The following HERC1 variants were observed in gnomAD, a reference collection of about 807,000 sequenced individuals.
HERC1 encodes probable E3 ubiquitin-protein ligase HERC1.
A neutral mutation model predicts 554.3 loss-of-function variants in HERC1; 160 were observed. The ratio of observed to expected loss-of-function variants is 0.29; its 90% CI spans 0.25 to 0.33. HERC1 has a LOEUF of 0.33. Ranked by LOEUF, HERC1 falls within the 10% of genes least tolerant of loss-of-function variation. The pLI is 1.00. For synonymous variants in HERC1, 2,175 were observed against 2,131.7 expected (o/e 1.02, Z -0.56); for missense variants, 4,919 against 5,918.5 (o/e 0.83, Z 5.54).
At position 63,655,842 on chromosome 15, in the gene HERC1, G is replaced by C. The variant is rs775948491; in HGVS notation, c.9984C>G (p.Thr3328=). Residue 3328 remains threonine (T), a synonymous_variant, in exon 50 of 78, where the codon ACC becomes ACG. Transcript: ENST00000443617. ...RGIAEENKLV[T]SPNFVVTQAL... ...CCTGTGTTACAACAAAGTTTGGGGA[G>C]GTCACAAGCTTGTTCTCTTCAGCAA... 14 of 1,605,168 alleles carry C rather than the reference G, an allele frequency of 8.7e-6. No homozygotes were observed. In the Admixed American group the frequency reaches 2.0e-4, roughly 23 times the overall value.
chr15:63,788,187 T>C (rs558596547), intron 1 of HERC1, among the ~76,000 whole-genome samples: 1 of 152,300 alleles, frequency 6.6e-6, no homozygotes, highest in Admixed American at 6.5e-5. Flanking sequence ...GTTTCTATTC[T>C]ATAATCCAGT....
At chr15:63,789,055 T>G (rs949310682) in intron 1 of HERC1, among the ~76,000 whole-genome samples, 2 of 146,246 alleles carry the variant, frequency 1.4e-5, no homozygotes, top group African/African-American at 5.0e-5. Flanking sequence ...ATAAAAAATC[T>G]ACTAATAAAG....
chr15:63,725,145 G>A, intron 18 of HERC1, 147 bp downstream of exon 18: 1 of 678,154 alleles, frequency 1.5e-6, no homozygotes, highest in Non-Finnish European at 2.5e-6. Context: ...TTTTTCTTAG[G>A]GCTCCAAGTC....
In HERC1 at chr15:63,729,356, C is replaced by T; in HGVS notation, c.3034G>A (p.Val1012Met). The T allele has an allele frequency of 1.9e-6, 3 of 1,605,476 alleles. No individual in the cohort carries two copies. Among genetic ancestry groups the T allele is most frequent in the African/African-American group, 1.3e-5 (1 of 74,488 alleles). ...INNISENSSS[V>M]ALLHKHLQLL... ...TGAAGATGTTTATGAAGCAATGCCA[C>T]ACTGCTTGAGTTCTAAGAAGAAAAA... Residue 1012 changes from valine (V) to methionine (M), a missense_variant, in exon 16 of 78, where the codon GTG becomes ATG. Around this residue, in one of 11 missense-constraint regions of HERC1, gnomAD observed 1,121 missense variants for 1,244.0 expected, o/e 0.90. Transcript: ENST00000443617.
rs2070330116 is a variant in HERC1 at position 63,661,004 on chromosome 15, A to G, written c.9192T>C (p.Asp3064=). ...SSERYKGQAP[D]LIGKQDSVYE... ...ACACACTGTCTTGCTTGCCAATTAG[A>G]TCTGGAGCTTGTCCCTTGTACCTGC... is the stretch of plus-strand genomic sequence containing the variant. The change falls in exon 46 of 78, where the codon GAT becomes GAC. Residue 3064 remains aspartate, a synonymous_variant. Coordinates refer to ENST00000443617, the MANE Select transcript of HERC1 (RefSeq NM_003922.4). 1 of 1,612,554 alleles carries G rather than the reference A, an allele frequency of 6.2e-7. No homozygotes were observed. The highest frequency in any genetic ancestry group is 8.5e-7 in the Non-Finnish European group (1 of 1,178,660).
chr15:63,625,774 C>T (rs915010520), intron 71 of HERC1, among the ~76,000 whole-genome samples: 27 of 151,890 alleles, frequency 1.8e-4, no homozygotes, highest in Middle Eastern at 3.4e-3. Context: ...AACCAAAACA[C>T]AGAAGGAAGA....
intron 2 of HERC1, among the ~76,000 whole-genome samples, chr15:63,774,276 A>C (rs953689925): frequency 2.6e-5 from 4 of 152,202 alleles, no homozygotes; most frequent in African/African-American, 9.6e-5. Context: ...TGTATCCTCA[A>C]GGCTGTTGCC....
In HERC1 at chr15:63,706,460, T is replaced by A. The variant is rs148424795; in HGVS notation, c.4636+320A>T. Among the ~76,000 whole-genome samples the A allele has an allele frequency of 2.7e-3, 406 of 152,282 alleles. 1 individual carries two copies. The highest frequency in any genetic ancestry group is 9.2e-3 in the African/African-American group (381 of 41,560). On this transcript the variant is annotated intron_variant, in intron 25 of 77. Transcript: ENST00000443617. ...AAATTTTGTAAATAACCCCTTTCCA[T>A]CATAATGGAATGTACTGTTTTTAGA... is the stretch of plus-strand genomic sequence containing the variant.
At position 63,649,942 on chromosome 15, in the gene HERC1, G is replaced by C; in HGVS notation, c.10547-17C>G. On this transcript the variant is annotated splice_polypyrimidine_tract_variant and intron_variant, in intron 53 of 77. Transcript: ENST00000443617. ...CTTTTCCTCCTAAAAGGGAAAAAAT[G>C]TTAACTAGTTTTTACTTAATTCTTA... 6.5e-7 allele frequency: 1 copy of C among 1,541,806 alleles called. No individual in the cohort carries two copies. Among genetic ancestry groups the C allele is most frequent in the South Asian group, 1.2e-5 (1 of 83,866 alleles).
chr15:63,778,595 T>G (rs1331369791), intron 1 of HERC1, among the ~76,000 whole-genome samples: 2 of 152,120 alleles, frequency 1.3e-5, no homozygotes, highest in Non-Finnish European at 2.9e-5. Flanking sequence ...CCCATAAAAT[T>G]GAAGACAGAA....
At chr15:63,707,518 C>T (rs944298015) in intron 24 of HERC1, among the ~76,000 whole-genome samples, 4 of 152,060 alleles carry the variant, frequency 2.6e-5, no homozygotes, top group Non-Finnish European at 4.4e-5. Context: ...GTACAGGCAA[C>T]CATAAACAAA....
At chr15:63,754,051 G>C (rs1210659825) in intron 7 of HERC1, among the ~76,000 whole-genome samples, 1 of 152,054 alleles carries the variant, frequency 6.6e-6, no homozygotes, top group African/African-American at 2.4e-5. Context: ...GTGCATGCCT[G>C]TAGTCCCAGC....
chr15:63,660,333 C>A (rs78063098), intron 46 of HERC1, among the ~76,000 whole-genome samples: 17,742 of 151,576 alleles, frequency 0.12, 1,093 homozygotes, highest in Middle Eastern at 0.16. Context: ...GAAATAAAAA[C>A]AATAAATAAA....
intron 1 of HERC1, among the ~76,000 whole-genome samples, chr15:63,788,747 T>C (rs766012989): frequency 1.3e-5 from 2 of 151,500 alleles, no homozygotes; most frequent in Non-Finnish European, 2.9e-5. Flanking sequence ...TGAAGCCCCG[T>C]CTCTACTAAA....
At chr15:63,639,579 T>C (rs2068942985) in intron 61 of HERC1, among the ~76,000 whole-genome samples, 1 of 152,238 alleles carries the variant, frequency 6.6e-6, no homozygotes, top group South Asian at 2.1e-4. Flanking sequence ...TCATATTGTA[T>C]CAATGTTTAT....
intron 37 of HERC1, among the ~76,000 whole-genome samples, chr15:63,676,446 C>A (rs2071211454): frequency 6.6e-6 from 1 of 152,138 alleles, no homozygotes; most frequent in South Asian, 2.1e-4. Context: ...TCCAAAACCA[C>A]AAAGAACCAC....
chr15:63,811,637 G>C (rs745642918), intron 1 of HERC1, among the ~76,000 whole-genome samples: 1 of 151,634 alleles, frequency 6.6e-6, no homozygotes, highest in Admixed American at 6.6e-5. Context: ...GTGAAACCCC[G>C]TCTCTCCTAA....
intron 1 of HERC1, among the ~76,000 whole-genome samples, chr15:63,777,618 A>ATAC (rs2076153209): frequency 6.6e-6 from 1 of 152,156 alleles, no homozygotes; most frequent in Non-Finnish European, 1.5e-5. Flanking sequence ...TCAACTTGTA[A>ATAC]AAGTTTTTTG....
At chr15:63,817,351 T>A (rs1275863341) in intron 1 of HERC1, among the ~76,000 whole-genome samples, 5 of 152,174 alleles carry the variant, frequency 3.3e-5, no homozygotes, top group Non-Finnish European at 7.3e-5. Flanking sequence ...AGATAGACAC[T>A]CTTATCTTTT....
Sources: allele counts gnomAD v4.1 joint callset (sites outside exome capture counted in the v4.1 genomes callset), GRCh38; gene constraint gnomAD v4.1.1; regional missense constraint gnomAD v4.1.1; transcripts MANE v1.5; gene names NCBI Gene and HGNC (gene_info 2026-07-23, HGNC 2026-07-21).